PDCD11: variants seen among roughly 807,000 people sequenced by gnomAD.
PDCD11 encodes programmed cell death 11, also known as protein RRP5 homolog.
PDCD11 carries 97 observed loss-of-function variants against 198.9 expected under a neutral mutation model. The observed-to-expected ratio is 0.49, with a 90% confidence interval of 0.41 to 0.58. PDCD11 has a LOEUF of 0.58. Among genes scored for constraint, PDCD11 ranks in the 20% least tolerant of loss-of-function variants. PDCD11 has a pLI of 0.00. For synonymous variants in PDCD11, 893 were observed against 918.0 expected (o/e 0.97, Z 0.49); for missense variants, 2,102 against 2,312.7 (o/e 0.91, Z 1.87).
chr10:103,403,051 A>C, intron 3 of PDCD11, 67 bp from the exon 4 acceptor site: 1 of 1,454,220 alleles, frequency 6.9e-7, no homozygotes, highest in Non-Finnish European at 9.6e-7. Flanking sequence ...ACTAGAAGCC[A>C]GACCTTCCAA....
chr10:103,401,563 C>T (rs2030063473), intron 3 of PDCD11, among the ~76,000 whole-genome samples: 1 of 152,130 alleles, frequency 6.6e-6, no homozygotes, highest in Non-Finnish European at 1.5e-5. Context: ...GCCACCGCGG[C>T]CAGCCTGCCT....
chr10:103,434,190 GT>G, intron 23 of PDCD11, 57 bp from the exon 24 acceptor site: 1 of 1,301,048 alleles, frequency 7.7e-7, no homozygotes, highest in Non-Finnish European at 1.1e-6. Flanking sequence ...AAATGCTGTG[GT>G]TTTGGATAAA....
At chr10:103,433,136 A>G (rs750517972) in intron 22 of PDCD11, among the ~76,000 whole-genome samples, 3 of 152,138 alleles carry the variant, frequency 2.0e-5, no homozygotes, top group Non-Finnish European at 4.4e-5. Context: ...TTTATTTATC[A>G]TTATGATGCC....
intron 5 of PDCD11, 88 bp downstream of exon 5, chr10:103,405,271 A>T: frequency 1.5e-6 from 2 of 1,329,430 alleles, no homozygotes; most frequent in Non-Finnish European, 2.1e-6. Flanking sequence ...TTTTACTTTC[A>T]GCTCAATTGT....
Position 103,425,504 on chromosome 10 carries a change from G to A in PDCD11, c.3284G>A (p.Gly1095Glu). The change falls in exon 20 of 36, where the codon GGG (glycine) becomes GAG (glutamate). Residue 1095 changes from glycine (G) to glutamate (E), a missense_variant. By Grantham distance (98) the Gly-to-Glu change is moderately conservative. Coordinates refer to ENST00000369797, the MANE Select transcript of PDCD11 (RefSeq NM_014976.2). ...ACGGTCACTGCCCGAGTGATTGGCGGGCGAGACATGAAGACATTCAAGTAT... is the reference window on the plus strand; with the variant it reads ...ACGGTCACTGCCCGAGTGATTGGCGAGCGAGACATGAAGACATTCAAGTAT... ...GKTVTARVIG[G>E]RDMKTFKYLP... 6.2e-7 allele frequency: 1 copy of A among 1,610,578 alleles called. No homozygotes were observed. The highest frequency in any genetic ancestry group is 2.2e-5 in the East Asian group (1 of 44,722).
chr10:103,421,366 G>A lies in PDCD11; in HGVS notation c.2296G>A (p.Val766Met), dbSNP rs1479087782. The A allele has an allele frequency of 6.2e-7, 1 of 1,608,284 alleles. No individual in the cohort carries two copies. The highest frequency in any genetic ancestry group is 8.5e-7 in the Non-Finnish European group (1 of 1,177,254). Residue 766 changes from valine to methionine, a missense_variant, in exon 17 of 36, where the codon GTG becomes ATG. Transcript: ENST00000369797. ...APKAIMSDKF[V>M]TSTSDHFVEG... is the part of the protein sequence containing the mutation. ...TGTTCAGATCATGAGTGACAAATTT[G>A]TGACCTCCACAAGTGACCACTTTGT...
At chr10:103,413,404 A>T in intron 9 of PDCD11, 82 bp downstream of exon 9, 1 of 1,117,160 alleles carries the variant, frequency 9.0e-7, no homozygotes, top group Non-Finnish European at 1.3e-6. Context: ...TGCTTCTTTC[A>T]TTCCTTGATG....
At position 103,415,074 on chromosome 10, in the gene PDCD11, C is replaced by T. The variant is rs1044630475; in HGVS notation, c.1441C>T (p.Pro481Ser). ...KVGEQMRGLV[P>S]PMHLADILMK... is the part of the protein sequence containing the mutation. Reference sequence around the variant, plus strand: ...GGGCGAGCAGATGAGGGGCCTGGTACCTCCCATGCACCTGGCTGACATCCT... The same window carrying T: ...GGGCGAGCAGATGAGGGGCCTGGTATCTCCCATGCACCTGGCTGACATCCT... Residue 481 changes from proline (P) to serine (S), a missense_variant, in exon 12 of 36, where the codon CCT (proline) becomes TCT (serine). Physicochemically the swap from Pro to Ser is moderately conservative, Grantham distance 74. Transcript: ENST00000369797. 8 of 1,613,824 alleles carry T rather than the reference C, an allele frequency of 5.0e-6. No homozygotes were observed. The East Asian group carries it at 1.3e-4, about 27-fold the overall frequency.
At chr10:103,438,472 G>A (rs1405083554) in intron 26 of PDCD11, among the ~76,000 whole-genome samples, 1 of 152,174 alleles carries the variant, frequency 6.6e-6, no homozygotes, top group Non-Finnish European at 1.5e-5. Flanking sequence ...GGCTTGGTCC[G>A]CCTCTCCCCA....
chr10:103,435,855 A>G (rs1388288174), intron 25 of PDCD11, among the ~76,000 whole-genome samples: 2 of 152,144 alleles, frequency 1.3e-5, no homozygotes, highest in Non-Finnish European at 2.9e-5. Flanking sequence ...TGTTTGGTAA[A>G]TAAATTCCTA....
At position 103,418,648 on chromosome 10, in the gene PDCD11, G is replaced by A; in HGVS notation, c.2106+14G>A. 1 of 1,609,578 alleles carries A rather than the reference G, an allele frequency of 6.2e-7. No homozygotes were observed. The highest frequency in any genetic ancestry group is 8.5e-7 in the Non-Finnish European group (1 of 1,176,686). ...GAGGGGCGTGTTGTATCCTTGACTG[G>A]TATCTGTGGAGCAGAGGAAGGTGGG... On this transcript the variant is annotated intron_variant, in intron 15 of 35. Coordinates refer to ENST00000369797, the MANE Select transcript of PDCD11 (RefSeq NM_014976.2).
intron 34 of PDCD11, 83 bp from the exon 35 acceptor site, chr10:103,444,434 G>A: frequency 7.6e-7 from 1 of 1,324,222 alleles, no homozygotes. Context: ...AGGGAGTCAG[G>A]TGCACGCTGA....
At position 103,425,191 on chromosome 10, in the gene PDCD11, C is replaced by T. The variant is rs1190680125; in HGVS notation, c.2971C>T (p.Leu991Phe). ...KTTEPGVTGL[L>F]LAVEGPAAKR... ...CACAGAACCAGGAGTGACTGGCCTT[C>T]TTTTGGCTGTGGAGGGGCCGGCTGC... Residue 991 changes from leucine to phenylalanine, a missense_variant, in exon 20 of 36, where the codon CTT (leucine) becomes TTT (phenylalanine). Leu to Phe is a conservative substitution (Grantham distance 22, BLOSUM62 0). Coordinates refer to ENST00000369797, the MANE Select transcript of PDCD11 (RefSeq NM_014976.2). 1 of 1,614,144 alleles carries T rather than the reference C, an allele frequency of 6.2e-7. No individual in the cohort carries two copies. The highest frequency in any genetic ancestry group is 2.2e-5 in the East Asian group (1 of 44,868).
intron 16 of PDCD11, 74 bp downstream of exon 16, chr10:103,419,782 A>G (rs2031321193): frequency 7.5e-7 from 1 of 1,341,530 alleles, no homozygotes; most frequent in Admixed American, 2.0e-5. Context: ...GGTAGGGAGG[A>G]GTAGGATACT....
intron 25 of PDCD11, among the ~76,000 whole-genome samples, chr10:103,437,272 G>A (rs556725621): frequency 1.3e-5 from 2 of 152,046 alleles, no homozygotes; most frequent in African/African-American, 2.4e-5. Context: ...CTCCCAAGTG[G>A]CTGGGACTAC....
Position 103,405,998 on chromosome 10 carries a change from C to T in PDCD11, c.578C>T (p.Thr193Ile), listed in dbSNP as rs757079569. 1.2e-6 allele frequency: 2 copies of T among 1,613,910 alleles called. No homozygotes were observed. Among genetic ancestry groups the T allele is most frequent in the Admixed American group, 1.7e-5 (1 of 59,990 alleles). ...ALKPGMLLTG[T>I]VSSLEDHGYL... ...TCTCTTCCCCAGCTACTTACAGGTACCGTATCCAGCCTGGAAGACCATGGC... is the reference window on the plus strand; with the variant it reads ...TCTCTTCCCCAGCTACTTACAGGTATCGTATCCAGCCTGGAAGACCATGGC... The change falls in exon 6 of 36, where the codon ACC becomes ATC. Residue 193 changes from threonine to isoleucine, a missense_variant. Transcript: ENST00000369797.
chr10:103,438,222 C>T lies in PDCD11; in HGVS notation c.3902+151C>T, dbSNP rs916009528. 1.8e-4 allele frequency: 122 copies of T among 671,280 alleles called. No homozygotes were observed. In the East Asian group the frequency reaches 3.1e-3, roughly 17 times the overall value. 41.6% of individuals were successfully genotyped at this position (671,280 alleles called of 1,614,324 possible). A position where few individuals can be genotyped will look rare whatever the true frequency, so the allele number is the denominator to read the frequency against. On this transcript the variant is annotated intron_variant, in intron 26 of 35. Coordinates refer to ENST00000369797, the MANE Select transcript of PDCD11 (RefSeq NM_014976.2). ...CCTCTTTTACCCAGAAAAGCTGAGGCTGTTCAGATTGCTGCAAGAATCCTG... is the reference window on the plus strand; with the variant it reads ...CCTCTTTTACCCAGAAAAGCTGAGGTTGTTCAGATTGCTGCAAGAATCCTG...
intron 1 of PDCD11, 78 bp from the exon 2 acceptor site, chr10:103,398,338 C>T (rs1395411560): frequency 1.0e-4 from 87 of 863,076 alleles, no homozygotes; most frequent in Non-Finnish European, 1.3e-4. Flanking sequence ...AACGTTCTGT[C>T]TCTTGCCCGT....
chr10:103,439,420 G>A (rs577802185), intron 27 of PDCD11, among the ~76,000 whole-genome samples: 16 of 152,280 alleles, frequency 1.1e-4, no homozygotes, highest in African/African-American at 3.1e-4. Context: ...GTAAGTGTTC[G>A]TTCTGTGAAA....
Sources: gnomAD v4.1 joint callset for allele counts (sites outside exome capture counted in the v4.1 genomes callset) on GRCh38, gnomAD v4.1.1 for gene constraint, MANE v1.5 for transcripts, NCBI Gene and HGNC (gene_info 2026-07-23, HGNC 2026-07-21) for gene names.